Variants in BAZ2B observed in about 807,000 individuals in gnomAD.
BAZ2B encodes bromodomain adjacent to zinc finger domain 2B.
A neutral mutation model predicts 246.0 loss-of-function variants in BAZ2B; 91 were observed. The observed-to-expected ratio is 0.37, with a 90% CI of 0.31 to 0.44. The LOEUF (loss-of-function observed/expected upper bound fraction) is 0.44. Among genes scored for constraint, BAZ2B ranks in the 20% least tolerant of loss-of-function variants. BAZ2B has a pLI of 1.00. For missense variants in BAZ2B, 2,332 were observed against 2,533.7 expected (o/e 0.92, Z 1.71); for synonymous variants, 855 against 860.0 (o/e 0.99, Z 0.10).
chr2:159,454,159 G>T (rs1191590757), intron 3 of BAZ2B, among the ~76,000 whole-genome samples: 1 of 151,890 alleles, frequency 6.6e-6, no homozygotes, highest in South Asian at 2.1e-4. Flanking sequence ...CATAAGAAGG[G>T]AAATAAAAAA....
At chr2:159,552,936 T>TCTTC (rs2088504810) in intron 2 of BAZ2B, among the ~76,000 whole-genome samples, 1 of 152,140 alleles carries the variant, frequency 6.6e-6, no homozygotes, top group African/African-American at 2.4e-5. Flanking sequence ...GAGAGACAGT[T>TCTTC]TGATTTCACC....
chr2:159,393,889 G>C (rs576301853), intron 20 of BAZ2B, among the ~76,000 whole-genome samples: 1 of 152,196 alleles, frequency 6.6e-6, no homozygotes, highest in Non-Finnish European at 1.5e-5. Flanking sequence ...ACTCTCCCCA[G>C]GCCCTAGTGG....
chr2:159,711,029 A>T, the BAZ2B span: 1 of 152,338 alleles, frequency 6.6e-6, no homozygotes, highest in East Asian at 1.9e-4. Flanking sequence ...GCTACAGAGC[A>T]TGGGTACTGT....
intron 2 of BAZ2B, among the ~76,000 whole-genome samples, chr2:159,554,839 G>A (rs1210945066): frequency 1.3e-5 from 2 of 151,950 alleles, no homozygotes; most frequent in Non-Finnish European, 2.9e-5. Flanking sequence ...TGTGGATAAA[G>A]GCCCTGGAAA....
chr2:159,443,462 T>C (rs759532291), intron 6 of BAZ2B, among the ~76,000 whole-genome samples: 26 of 152,104 alleles, frequency 1.7e-4, no homozygotes, highest in Non-Finnish European at 1.5e-5. Context: ...TTTTTCAAAC[T>C]ACATGTGAAA....
chr2:159,505,717 C>G (rs1202585869), intron 2 of BAZ2B, among the ~76,000 whole-genome samples: 1 of 152,006 alleles, frequency 6.6e-6, no homozygotes, highest in African/African-American at 2.4e-5. Flanking sequence ...GAAAAGGTCC[C>G]ATAAGAAGGC....
At chr2:159,345,395 C>T (rs898803590) in intron 31 of BAZ2B, among the ~76,000 whole-genome samples, 7 of 152,220 alleles carry the variant, frequency 4.6e-5, no homozygotes, top group South Asian at 2.1e-4. Flanking sequence ...TTACTCTGAT[C>T]TGATCACTAT....
At chr2:159,699,554 A>G in the BAZ2B span, among the ~76,000 whole-genome samples, 1 of 152,162 alleles carries the variant, frequency 6.6e-6, no homozygotes, top group African/African-American at 2.4e-5. Flanking sequence ...ACAAAAAAAA[A>G]GAGCTGGGGT....
At chr2:159,400,510 G>A in intron 17 of BAZ2B, 89 bp downstream of exon 17, 1 of 766,912 alleles carries the variant, frequency 1.3e-6, no homozygotes, top group South Asian at 1.7e-5. Flanking sequence ...CAATTTGTGT[G>A]AGAAAACATG....
intron 3 of BAZ2B, chr2:159,462,478 G>A: frequency 9.4e-7 from 1 of 1,067,536 alleles, no homozygotes; most frequent in Non-Finnish European, 1.5e-6. Flanking sequence ...GAAGCTGCCG[G>A]CGCAAGACCT....
chr2:159,355,177 G>A (rs771554217), intron 27 of BAZ2B, among the ~76,000 whole-genome samples: 2 of 152,170 alleles, frequency 1.3e-5, no homozygotes, highest in Non-Finnish European at 2.9e-5. Flanking sequence ...TGTAAATATA[G>A]AGTACAGGTT....
intron 1 of BAZ2B, among the ~76,000 whole-genome samples, chr2:159,600,800 G>C (rs1201448830): frequency 6.6e-6 from 1 of 152,226 alleles, no homozygotes; most frequent in African/African-American, 2.4e-5. Context: ...CACAGATCTT[G>C]GGACACATGT....
intron 2 of BAZ2B, among the ~76,000 whole-genome samples, chr2:159,498,651 T>G (rs1204230139): frequency 6.6e-6 from 1 of 152,186 alleles, no homozygotes; most frequent in Non-Finnish European, 1.5e-5. Flanking sequence ...GGACCAAGTT[T>G]TCTCCTTTTG....
chr2:159,552,570 C>CG lies in BAZ2B; in HGVS notation c.-3+3252dup, dbSNP rs568339787. Among the ~76,000 whole-genome samples the CG allele has an allele frequency of 3.0e-3, 461 of 152,248 alleles. 2 individuals are homozygous for CG. The highest frequency in any genetic ancestry group is 0.01 in the African/African-American group (422 of 41,558). On this transcript the variant is annotated intron_variant, in intron 2 of 36. Transcript: ENST00000392783. ...GAGGCTGACTTGCTAGAAGTCACAT[C>CG]GCTAGTACACAGTGACGTTAGTACT...
At chr2:159,587,045 G>A (rs571391429) in intron 1 of BAZ2B, among the ~76,000 whole-genome samples, 1 of 151,132 alleles carries the variant, frequency 6.6e-6, no homozygotes, top group Non-Finnish European at 1.5e-5. Flanking sequence ...GTAAAAATGG[G>A]AGAAAAAAGC....
chr2:159,709,380 T>C, the BAZ2B span, among the ~76,000 whole-genome samples: 2 of 152,176 alleles, frequency 1.3e-5, no homozygotes, highest in Non-Finnish European at 2.9e-5. Flanking sequence ...TAAGTTCTAA[T>C]GTTTGATAAT....
Position 159,446,845 on chromosome 2 carries a change from T to C in BAZ2B, c.633A>G (p.Lys211=). 2 of 1,613,424 alleles carry C rather than the reference T, an allele frequency of 1.2e-6. No homozygotes were observed. The highest frequency in any genetic ancestry group is 1.7e-6 in the Non-Finnish European group (2 of 1,179,706). Residue 211 remains lysine, a synonymous_variant, in exon 6 of 37, where the codon AAA becomes AAG. Transcript: ENST00000392783. ...KSTSSGGGNR[K]CNQEQSKNQP... is the part of the protein sequence containing the mutation. ...GGTTTTTGCTTTGTTCCTGATTACA[T>C]TTTCGATTTCCTCCACCTGAGCTTG...
chr2:159,504,811 T>C (rs2082168463), intron 2 of BAZ2B, among the ~76,000 whole-genome samples: 1 of 152,200 alleles, frequency 6.6e-6, no homozygotes, highest in South Asian at 2.1e-4. Context: ...AAATATGCAA[T>C]ACTATATACA....
chr2:159,573,993 T>C (rs4665085), intron 1 of BAZ2B, among the ~76,000 whole-genome samples: 140,412 of 152,058 alleles, frequency 0.92, 65,327 homozygotes, highest in East Asian at 1. Context: ...CCCAGCTACT[T>C]GGGTGGCTGA....
Sources: allele counts gnomAD v4.1 joint callset (sites outside exome capture counted in the v4.1 genomes callset), GRCh38; gene constraint gnomAD v4.1.1; transcripts MANE v1.5; gene names NCBI Gene and HGNC (gene_info 2026-07-23, HGNC 2026-07-21).